Variants in EIF2B1 observed in about 807,000 individuals in gnomAD.
The protein encoded by EIF2B1 is translation initiation factor eIF2B subunit alpha.
EIF2B1 carries 30 observed loss-of-function variants against 36.8 expected under a neutral mutation model. That is an observed-to-expected ratio of 0.81 (90% CI 0.61 to 1.10). The LOEUF (loss-of-function observed/expected upper bound fraction) is 1.10, where lower values mean the gene tolerates loss of function less well. Among genes scored for constraint, EIF2B1 ranks in the 50% least tolerant of loss-of-function variants. The pLI is 0.00. For missense variants in EIF2B1, 271 were observed against 374.8 expected (o/e 0.72, Z 2.29); for synonymous variants, 139 against 142.2 (o/e 0.98, Z 0.16).
chr12:123,624,308 G>C lies in EIF2B1; in HGVS notation c.627+479C>G, dbSNP rs1221242997. Among the ~76,000 whole-genome samples, 3 of 138,510 alleles carry C rather than the reference G, an allele frequency of 2.2e-5. No homozygotes were observed. In the East Asian group the frequency reaches 5.9e-4, roughly 27 times the overall value. 90.9% of individuals were successfully genotyped at this position (138,510 alleles called of 152,430 possible). ...CAGGGTCTCACCATCGCCCAGGCTG[G>C]AATGCAGTAGTGTGATCATAACTTA... On this transcript the variant is annotated intron_variant, in intron 7 of 8. Coordinates refer to ENST00000424014, the MANE Select transcript of EIF2B1 (RefSeq NM_001414.4).
chr12:123,633,611 AACGG>A lies in EIF2B1; in HGVS notation c.-58_-55del. On this transcript the variant is annotated 5_prime_UTR_variant, in exon 1 of 9. Coordinates refer to ENST00000424014, the MANE Select transcript of EIF2B1 (RefSeq NM_001414.4). ...GACCCGAGCCGCCCGCGCTGTCTCGAACGGGTCCGCCGGCCGCGCCGCCTGCGAG... is the reference window on the plus strand; with the variant it reads ...GACCCGAGCCGCCCGCGCTGTCTCGAGTCCGCCGGCCGCGCCGCCTGCGAG... 6.2e-7 allele frequency: 1 copy of A among 1,601,494 alleles called. No homozygotes were observed. The highest frequency in any genetic ancestry group is 8.5e-7 in the Non-Finnish European group (1 of 1,179,336).
At position 123,630,312 on chromosome 12, in the gene EIF2B1, G is replaced by A. The variant is rs770625902; in HGVS notation, c.253-27C>T. On this transcript the variant is annotated intron_variant, in intron 3 of 8. Coordinates refer to ENST00000424014, the MANE Select transcript of EIF2B1 (RefSeq NM_001414.4). This position sits in a 1 kb window ranked among gnomAD's most constrained non-coding sequence, Gnocchi z 4.6. ...TAGGAAGAAAAGAGCAAACTGAGGG[G>A]ACAGGGAAGATCCAGTTAATGCTGA... 9.9e-6 allele frequency: 16 copies of A among 1,613,810 alleles called. No individual in the cohort carries two copies. The highest frequency in any genetic ancestry group is 1.6e-4 in the Middle Eastern group (1 of 6,084).
intron 8 of EIF2B1, 76 bp from the exon 9 acceptor site, chr12:123,621,996 C>T (rs535732485): frequency 1.3e-6 from 2 of 1,570,574 alleles, no homozygotes; most frequent in Non-Finnish European, 1.7e-6. Flanking sequence ...TGTGAGTGAT[C>T]AGTGTGCTAC....
chr12:123,624,920 T>C (rs1393460677), intron 6 of EIF2B1, 58 bp from the exon 7 acceptor site: 1 of 1,450,254 alleles, frequency 6.9e-7, no homozygotes, highest in Non-Finnish European at 9.7e-7. Context: ...AGTAGCATCA[T>C]CATCTGCAAA....
intron 4 of EIF2B1, among the ~76,000 whole-genome samples, chr12:123,629,014 A>G (rs1955169109): frequency 6.6e-6 from 1 of 152,212 alleles, no homozygotes; most frequent in Admixed American, 6.5e-5. Context: ...AGAGGAAGTC[A>G]CAACCTTGCC....
chr12:123,631,697 A>T (rs1955189377), intron 2 of EIF2B1, among the ~76,000 whole-genome samples: 1 of 152,012 alleles, frequency 6.6e-6, no homozygotes, highest in Non-Finnish European at 1.5e-5. Flanking sequence ...AGTCCCAGCT[A>T]CCTGGAGGCT....
rs1359591143 is a variant in EIF2B1, at chr12:123,620,607, T to TAC, written c.*1148_*1149insGT. 1.3e-5 allele frequency: 1 copy of TAC among 75,948 alleles called. No individual in the cohort carries two copies. Among genetic ancestry groups the TAC allele is most frequent in the East Asian group, 2.8e-4 (1 of 3,538 alleles). The allele number at this position is 75,948 out of a possible 1,614,324, so 4.7% of individuals were successfully genotyped here. On this transcript the variant is annotated 3_prime_UTR_variant, in exon 9 of 9. Transcript: ENST00000424014. ...ATATATATATATATATATATATATA[T>TAC]ATATATATATATATATATATAAGCT...
In EIF2B1 at chr12:123,630,535, T is replaced by C; in HGVS notation, c.116-2A>G. ...CCCTCAGACCCTGGATTGTCTCCCC[T>C]GGAATGATCCAACAAGGAATGTGAT... On this transcript the variant is annotated splice_acceptor_variant, in intron 2 of 8. Transcript: ENST00000424014. LOFTEE classifies it high-confidence loss of function. The surrounding 1 kb of genome is among the most constrained non-coding windows in gnomAD (Gnocchi z 4.6). The C allele has an allele frequency of 6.2e-7, 1 of 1,612,008 alleles. No individual in the cohort carries two copies. Among genetic ancestry groups the C allele is most frequent in the African/African-American group, 1.3e-5 (1 of 75,048 alleles).
chr12:123,623,471 A>G (rs1955123962), intron 7 of EIF2B1, among the ~76,000 whole-genome samples: 1 of 152,196 alleles, frequency 6.6e-6, no homozygotes, highest in African/African-American at 2.4e-5. Context: ...GGGAATGTAA[A>G]GTAGTGCAGC....
chr12:123,628,937 C>G (rs1955168485), intron 4 of EIF2B1, among the ~76,000 whole-genome samples: 1 of 152,200 alleles, frequency 6.6e-6, no homozygotes. Flanking sequence ...CCACACTACA[C>G]TAGAGCAAAC....
intron 8 of EIF2B1, 32 bp from the exon 9 acceptor site, chr12:123,621,952 G>A (rs1332817198): frequency 6.2e-7 from 1 of 1,612,114 alleles, no homozygotes; most frequent in Non-Finnish European, 8.5e-7. Context: ...AGTCGGCACT[G>A]AATATTTAGT....
At chr12:123,623,201 G>GCA (rs1955120962) in intron 7 of EIF2B1, among the ~76,000 whole-genome samples, 2 of 152,116 alleles carry the variant, frequency 1.3e-5, no homozygotes, top group Non-Finnish European at 2.9e-5. Context: ...CCAATATAGG[G>GCA]AAACCCCATC....
chr12:123,632,278 A>G lies in EIF2B1; in HGVS notation c.115+67T>C, dbSNP rs1240416170. The G allele has an allele frequency of 4.1e-5, 45 of 1,099,196 alleles. 1 individual carries two copies. The highest frequency in any genetic ancestry group is 5.5e-5 in the Non-Finnish European group (41 of 743,206). 68.1% of individuals were successfully genotyped at this position (1,099,196 alleles called of 1,614,324 possible). Reference sequence around the variant, plus strand: ...GTGAGGCTCCGTCTCTTTAAAAAAAAAAAAAAAGAAAAGAAAAAAAAGACT... The same window carrying G: ...GTGAGGCTCCGTCTCTTTAAAAAAAGAAAAAAAGAAAAGAAAAAAAAGACT... On this transcript the variant is annotated intron_variant, in intron 2 of 8. Coordinates refer to ENST00000424014, the MANE Select transcript of EIF2B1 (RefSeq NM_001414.4).
At chr12:123,632,739 G>A (rs1225259926) in intron 1 of EIF2B1, among the ~76,000 whole-genome samples, 1 of 151,782 alleles carries the variant, frequency 6.6e-6, no homozygotes, top group Non-Finnish European at 1.5e-5. Context: ...GAGGTCAGGA[G>A]ATCGAGACCA....
At chr12:123,631,883 A>T (rs1021849351) in intron 2 of EIF2B1, among the ~76,000 whole-genome samples, 2 of 151,704 alleles carry the variant, frequency 1.3e-5, no homozygotes, top group African/African-American at 4.8e-5. Flanking sequence ...CTGAGGCAGG[A>T]GAATCGCTTG....
At position 123,621,822 on chromosome 12, in the gene EIF2B1, C is replaced by T. The variant is rs1955101755; in HGVS notation, c.852G>A (p.Leu284=). 3 of 1,614,058 alleles carry T rather than the reference C, an allele frequency of 1.9e-6. No individual in the cohort carries two copies. The highest frequency in any genetic ancestry group is 2.5e-6 in the Non-Finnish European group (3 of 1,180,040). ...DYTAPSLITL[L]FTDLGVLTPS... is the part of the protein sequence containing the mutation. ...GTGTCAGCACGCCCAGGTCTGTAAACAGCAGAGTGATTAAGGAAGGGGCAG... is the reference window on the plus strand; with the variant it reads ...GTGTCAGCACGCCCAGGTCTGTAAATAGCAGAGTGATTAAGGAAGGGGCAG... The change falls in exon 9 of 9, where the codon CTG becomes CTA. Residue 284 remains leucine, a synonymous_variant. Coordinates refer to ENST00000424014, the MANE Select transcript of EIF2B1 (RefSeq NM_001414.4).
Position 123,633,590 on chromosome 12 carries a change from C to T in EIF2B1, c.-33G>A, listed in dbSNP as rs1327980282. ...TCCTGCTGCGGAGCCCCAGGGGACC[C>T]GAGCCGCCCGCGCTGTCTCGAACGG... On this transcript the variant is annotated 5_prime_UTR_variant, in exon 1 of 9. Transcript: ENST00000424014. The T allele has an allele frequency of 5.0e-6, 8 of 1,606,300 alleles. No individual in the cohort carries two copies. The highest frequency in any genetic ancestry group is 6.8e-6 in the Non-Finnish European group (8 of 1,179,916).
In EIF2B1 at chr12:123,621,971, C is replaced by G. The variant is rs781669663; in HGVS notation, c.754-51G>C. The G allele has an allele frequency of 3.7e-6, 6 of 1,603,920 alleles. No individual in the cohort carries two copies. In the African/African-American group the frequency reaches 8.0e-5, roughly 21 times the overall value. ...GGCACTGAATATTTAGTGCTCTGAC[C>G]TGGTAGGGCCTTGGTGTGAGTGATC... On this transcript the variant is annotated intron_variant, in intron 8 of 8. Transcript: ENST00000424014.
intron 1 of EIF2B1, 95 bp downstream of exon 1, chr12:123,633,449 GA>G (rs1250819118): frequency 1.3e-6 from 2 of 1,566,976 alleles, no homozygotes; most frequent in Non-Finnish European, 1.8e-6. Context: ...AAATTCAAAA[GA>G]AATCTCTTCG....
Sources: allele counts gnomAD v4.1 joint callset (sites outside exome capture counted in the v4.1 genomes callset), GRCh38; gene constraint gnomAD v4.1.1; non-coding constraint Gnocchi (gnomAD v3.1); transcripts MANE v1.5; gene names NCBI Gene and HGNC (gene_info 2026-07-23, HGNC 2026-07-21).